The following NRP1 variants were observed in gnomAD, a reference collection of about 807,000 sequenced individuals.
NRP1 encodes neuropilin 1.
In NRP1, 35 loss-of-function variants were observed where a neutral mutation model predicts 106.7. The observed-to-expected ratio is 0.33, with a 90% CI of 0.25 to 0.43. The LOEUF (loss-of-function observed/expected upper bound fraction) is 0.43. Among genes scored for constraint, NRP1 ranks in the 20% least tolerant of loss-of-function variants. The pLI, the probability that NRP1 is intolerant of heterozygous loss-of-function variation, is 1.00. For missense variants in NRP1, 1,024 were observed against 1,170.4 expected, an observed-to-expected ratio of 0.87 and a Z score of 1.83; for synonymous variants, 437 against 417.9, an observed-to-expected ratio of 1.05 and a Z score of -0.56.
chr10:33,285,134 T>C (rs889655934), intron 2 of NRP1, among the ~76,000 whole-genome samples: 1 of 152,236 alleles, frequency 6.6e-6, no homozygotes, highest in Non-Finnish European at 1.5e-5. Context: ...TACCTAAGAC[T>C]GTGCCTATAC....
chr10:33,313,009 A>G (rs1027276594), intron 2 of NRP1, among the ~76,000 whole-genome samples: 2 of 152,188 alleles, frequency 1.3e-5, no homozygotes, highest in African/African-American at 4.8e-5. Flanking sequence ...CATGTATGGA[A>G]TTTCTACTGA....
intron 7 of NRP1, among the ~76,000 whole-genome samples, chr10:33,225,916 T>C (rs892158897): frequency 2.6e-5 from 4 of 152,230 alleles, no homozygotes; most frequent in Non-Finnish European, 5.9e-5. Flanking sequence ...ATTTGGCCTG[T>C]ATTGACTTTT....
chr10:33,188,738 G>A (rs773991944), intron 13 of NRP1, among the ~76,000 whole-genome samples: 8 of 151,232 alleles, frequency 5.3e-5, no homozygotes, highest in South Asian at 2.1e-4. Flanking sequence ...TTAGCCGGGC[G>A]TGGTGGCGGG....
intron 16 of NRP1, 136 bp downstream of exon 16, chr10:33,182,562 C>T (rs1185647014): frequency 7.7e-6 from 5 of 647,342 alleles, no homozygotes; most frequent in African/African-American, 7.3e-5. Context: ...AGCACCAACC[C>T]AGGGCCATGG....
intron 16 of NRP1, among the ~76,000 whole-genome samples, chr10:33,180,631 C>G (rs1835627777): frequency 6.6e-6 from 1 of 152,162 alleles, no homozygotes; most frequent in Admixed American, 6.5e-5. Context: ...TTTCATGCAG[C>G]CCCATCTGTC....
intron 2 of NRP1, among the ~76,000 whole-genome samples, chr10:33,276,011 C>T (rs1219602265): frequency 6.6e-6 from 1 of 151,966 alleles, no homozygotes; most frequent in East Asian, 1.9e-4. Flanking sequence ...GAATATAAAA[C>T]CCTATATACA....
chr10:33,330,920 C>A, intron 1 of NRP1, 38 bp from the exon 2 acceptor site: 1 of 1,538,832 alleles, frequency 6.5e-7, no homozygotes, highest in Non-Finnish European at 8.9e-7. Context: ...TCTTTCCTGA[C>A]AACCTGTTAG....
At chr10:33,287,997 G>A (rs573768830) in intron 2 of NRP1, among the ~76,000 whole-genome samples, 6 of 152,236 alleles carry the variant, frequency 3.9e-5, no homozygotes, top group East Asian at 1.9e-4. Flanking sequence ...CAAACAACAC[G>A]GTGCCTTTCC....
At chr10:33,271,312 T>C (rs1482891196) in intron 2 of NRP1, among the ~76,000 whole-genome samples, 3 of 152,200 alleles carry the variant, frequency 2.0e-5, no homozygotes, top group African/African-American at 7.2e-5. Context: ...TTGATTTCTG[T>C]GAGCGACCCT....
At chr10:33,246,988 C>T (rs1248693659) in intron 6 of NRP1, among the ~76,000 whole-genome samples, 2 of 152,150 alleles carry the variant, frequency 1.3e-5, no homozygotes, top group Non-Finnish European at 2.9e-5. Flanking sequence ...ACAGGCGATA[C>T]CTCTTCCACG....
At chr10:33,216,617 C>A (rs1256195116) in intron 8 of NRP1, among the ~76,000 whole-genome samples, 1 of 150,998 alleles carries the variant, frequency 6.6e-6, no homozygotes, top group Admixed American at 6.6e-5. Context: ...CCATGATTGG[C>A]AATTTTTTTT....
At chr10:33,326,882 T>C (rs923853239) in intron 2 of NRP1, among the ~76,000 whole-genome samples, 4 of 152,198 alleles carry the variant, frequency 2.6e-5, no homozygotes, top group African/African-American at 7.2e-5. Context: ...TGAGAAGTTG[T>C]GACTGTATAC....
intron 9 of NRP1, among the ~76,000 whole-genome samples, chr10:33,209,888 AGACC>A (rs1838158932): frequency 6.6e-6 from 1 of 152,268 alleles, no homozygotes; most frequent in Non-Finnish European, 1.5e-5. Flanking sequence ...TTGGGCTAGT[AGACC>A]TGGTAGATCA....
At chr10:33,213,830 A>C (rs1296943683) in intron 8 of NRP1, 113 bp from the exon 9 acceptor site, 1 of 819,150 alleles carries the variant, frequency 1.2e-6, no homozygotes. Flanking sequence ...AATCATATAC[A>C]ATTTTCAGTC....
chr10:33,222,202 C>T (rs1839300535), intron 7 of NRP1, among the ~76,000 whole-genome samples: 3 of 152,164 alleles, frequency 2.0e-5, no homozygotes. Context: ...GTAGACGTGT[C>T]ATGGGAACTC....
intron 6 of NRP1, among the ~76,000 whole-genome samples, chr10:33,244,221 A>AT (rs1179222696): frequency 1.3e-5 from 2 of 151,914 alleles, no homozygotes; most frequent in Admixed American, 6.6e-5. Context: ...AAGAACACAT[A>AT]TTTTTTTGCT....
chr10:33,214,871 A>G (rs1399217411), intron 8 of NRP1, among the ~76,000 whole-genome samples: 1 of 152,184 alleles, frequency 6.6e-6, no homozygotes, highest in Non-Finnish European at 1.5e-5. Context: ...AGACAATTAT[A>G]AAATTCTGGA....
At chr10:33,193,026 GCTT>G (rs1299707135) in intron 12 of NRP1, among the ~76,000 whole-genome samples, 1 of 151,770 alleles carries the variant, frequency 6.6e-6, no homozygotes, top group Non-Finnish European at 1.5e-5. Context: ...ATAAATTTCT[GCTT>G]TTTTAATTTC....
chr10:33,330,670 G>A (rs760226809), intron 2 of NRP1, 38 bp downstream of exon 2: 5 of 1,556,668 alleles, frequency 3.2e-6, no homozygotes, highest in Non-Finnish European at 8.8e-7. Context: ...ACCACTAGAT[G>A]GTGCTGTGGT....
Sources: allele counts gnomAD v4.1 joint callset (sites outside exome capture counted in the v4.1 genomes callset), GRCh38; gene constraint gnomAD v4.1.1; transcripts MANE v1.5; gene names NCBI Gene and HGNC (gene_info 2026-07-23, HGNC 2026-07-21).